Variants in COL23A1 observed in about 807,000 individuals in gnomAD.
The protein encoded by COL23A1 is collagen type XXIII alpha 1 chain, also known as collagen alpha-1(XXIII) chain.
Under a neutral mutation model 99.3 loss-of-function variants are expected in COL23A1, and 97 were observed. The ratio of observed to expected loss-of-function variants is 0.98; its 90% CI spans 0.83 to 1.16. The LOEUF is 1.16. COL23A1 is among the 50% of genes most tolerant of loss of function. The pLI is 0.00. For synonymous variants in COL23A1, 320 were observed against 308.2 expected, an observed-to-expected ratio of 1.04 and a Z score of -0.40; for missense variants, 762 against 757.4, an observed-to-expected ratio of 1.01 and a Z score of -0.07.
intron 2 of COL23A1, among the ~76,000 whole-genome samples, chr5:178,543,096 A>G (rs1380376470): frequency 1.3e-5 from 2 of 148,782 alleles, no homozygotes; most frequent in Non-Finnish European, 3.0e-5. Flanking sequence ...TCCTTTTGAG[A>G]GCATAATTGG....
chr5:178,337,488 G>T (rs1193037988), intron 2 of COL23A1, among the ~76,000 whole-genome samples: 1 of 152,228 alleles, frequency 6.6e-6, no homozygotes, highest in African/African-American at 2.4e-5. Context: ...AAACTGGGCT[G>T]ACTGCCAGGC....
intron 25 of COL23A1, among the ~76,000 whole-genome samples, chr5:178,243,488 CAAA>C (rs1199927228): frequency 5.8e-5 from 5 of 86,754 alleles, no homozygotes; most frequent in Non-Finnish European, 4.9e-5. Flanking sequence ...ACTCCATCTC[CAAA>C]AAAAAAAAAA....
intron 6 of COL23A1, 112 bp downstream of exon 6, chr5:178,270,224 TG>T: frequency 1.6e-6 from 2 of 1,271,206 alleles, no homozygotes; most frequent in Non-Finnish European, 2.3e-6. Context: ...GGCTTCTCTC[TG>T]TGCTGAACCA....
chr5:178,330,765 C>G (rs1283915142), intron 2 of COL23A1, among the ~76,000 whole-genome samples: 1 of 152,204 alleles, frequency 6.6e-6, no homozygotes, highest in African/African-American at 2.4e-5. Flanking sequence ...CCCAGTGAAC[C>G]ACTAGGACCT....
At chr5:178,540,279 A>G (rs1340827434) in intron 2 of COL23A1, among the ~76,000 whole-genome samples, 1 of 152,212 alleles carries the variant, frequency 6.6e-6, no homozygotes, top group Non-Finnish European at 1.5e-5. Flanking sequence ...AAATCTAAAA[A>G]TATTAGAATT....
intron 2 of COL23A1, among the ~76,000 whole-genome samples, chr5:178,372,341 T>C (rs1281293691): frequency 2.0e-5 from 3 of 152,212 alleles, no homozygotes; most frequent in Non-Finnish European, 4.4e-5. Context: ...CTTATTAAAG[T>C]TTTTAGTCCG....
chr5:178,446,028 C>T (rs936847514), intron 2 of COL23A1, among the ~76,000 whole-genome samples: 1 of 151,986 alleles, frequency 6.6e-6, no homozygotes, highest in African/African-American at 2.4e-5. Context: ...TATAAAAAGT[C>T]TGCCACCTCT....
chr5:178,324,524 C>T (rs1032188845), intron 2 of COL23A1, among the ~76,000 whole-genome samples: 13 of 152,216 alleles, frequency 8.5e-5, no homozygotes, highest in African/African-American at 2.6e-4. Context: ...CGGAGCAGTG[C>T]CCAGTCCTGT....
Position 178,439,710 on chromosome 5 carries a change from G to A in COL23A1, c.361+120972C>T, listed in dbSNP as rs1395046255. The A allele has an allele frequency of 2.0e-5, 3 of 152,184 alleles. No individual in the cohort carries two copies. The highest frequency in any genetic ancestry group is 6.6e-5 in the Admixed American group (1 of 15,266). The allele number at this position is 152,184 out of a possible 1,614,324, so 9.4% of individuals were successfully genotyped here. On this transcript the variant is annotated intron_variant, in intron 2 of 28. Coordinates refer to ENST00000390654, the MANE Select transcript of COL23A1 (RefSeq NM_173465.4). The surrounding 1 kb of genome is among the most constrained non-coding windows in gnomAD (Gnocchi z 4.2). ...GCAACTCCGCTCCTAGGATCTCCCC[G>A]GGAGAAATGAAAACATACGTCCATA...
chr5:178,546,450 G>T (rs1761584055), intron 2 of COL23A1, among the ~76,000 whole-genome samples: 1 of 152,130 alleles, frequency 6.6e-6, no homozygotes, highest in South Asian at 2.1e-4. Flanking sequence ...CTTCTCCCAG[G>T]ACCCTCCCTG....
intron 2 of COL23A1, among the ~76,000 whole-genome samples, chr5:178,402,100 G>A (rs1489012422): frequency 2.0e-5 from 3 of 152,192 alleles, no homozygotes; most frequent in Non-Finnish European, 2.9e-5. Context: ...ACAGGTGTGA[G>A]CCACCGCGCC....
At chr5:178,282,052 C>A (rs1158460096) in intron 5 of COL23A1, among the ~76,000 whole-genome samples, 49 of 98,690 alleles carry the variant, frequency 5.0e-4, no homozygotes, top group Admixed American at 1.6e-3. Flanking sequence ...ACACTGTCTC[C>A]AAAAAAAAAA....
chr5:178,255,169 G>T lies in COL23A1; in HGVS notation c.883-143C>A. 1 of 685,650 alleles carries T rather than the reference G, an allele frequency of 1.5e-6. No homozygotes were observed. The allele number at this position is 685,650 out of a possible 1,614,324, so 42.5% of individuals were successfully genotyped here. Reference sequence around the variant, plus strand: ...GGCTGCACGCATGCCCCTCCCCAGGGTGGATGGAGGGAACGGGAGGCAGGC... The same window carrying T: ...GGCTGCACGCATGCCCCTCCCCAGGTTGGATGGAGGGAACGGGAGGCAGGC... On this transcript the variant is annotated intron_variant, in intron 15 of 28. Coordinates refer to ENST00000390654, the MANE Select transcript of COL23A1 (RefSeq NM_173465.4). The surrounding 1 kb of genome is among the most constrained non-coding windows in gnomAD (Gnocchi z 4.2).
chr5:178,298,679 C>T (rs1377593225), intron 3 of COL23A1, among the ~76,000 whole-genome samples: 1 of 152,200 alleles, frequency 6.6e-6, no homozygotes, highest in African/African-American at 2.4e-5. Context: ...AGATGCTGCA[C>T]CCTGGCTCCC....
chr5:178,578,059 A>G (rs1233105939), intron 1 of COL23A1, among the ~76,000 whole-genome samples: 5 of 151,468 alleles, frequency 3.3e-5, no homozygotes, highest in South Asian at 4.1e-4. Context: ...GCACACACCC[A>G]CATGCACACA....
At chr5:178,248,296 C>T (rs770203941) in intron 19 of COL23A1, 42 bp from the exon 20 acceptor site, 4 of 1,499,560 alleles carry the variant, frequency 2.7e-6, no homozygotes, top group Non-Finnish European at 3.7e-6. Context: ...GTGTCCAGCA[C>T]CTGTATCACC....
At chr5:178,410,642 A>G (rs1193433669) in intron 2 of COL23A1, among the ~76,000 whole-genome samples, 1 of 152,230 alleles carries the variant, frequency 6.6e-6, no homozygotes, top group Non-Finnish European at 1.5e-5. Context: ...AGTGGCTTAA[A>G]TATAACATCT....
At chr5:178,431,480 G>A (rs964134090) in intron 2 of COL23A1, among the ~76,000 whole-genome samples, 6 of 152,190 alleles carry the variant, frequency 3.9e-5, no homozygotes, top group African/African-American at 1.2e-4. Context: ...ATGAAGTTCC[G>A]GATATCGAGA....
chr5:178,357,331 G>A (rs1052296553), intron 2 of COL23A1, among the ~76,000 whole-genome samples: 3 of 152,188 alleles, frequency 2.0e-5, no homozygotes, highest in East Asian at 1.9e-4. Flanking sequence ...TCTGTGAGCC[G>A]GCGGAAGTGC....
Sources: gnomAD v4.1 joint callset for allele counts (sites outside exome capture counted in the v4.1 genomes callset) on GRCh38, gnomAD v4.1.1 for gene constraint, Gnocchi (gnomAD v3.1) non-coding constraint, MANE v1.5 for transcripts, NCBI Gene and HGNC (gene_info 2026-07-23, HGNC 2026-07-21) for gene names.